XPO4: variants seen among roughly 807,000 people sequenced by gnomAD.
The protein encoded by XPO4 is exportin-4.
Under a neutral mutation model 143.0 loss-of-function variants are expected in XPO4, and 39 were observed. That is an observed-to-expected ratio of 0.27 (90% CI 0.21 to 0.36). The LOEUF (loss-of-function observed/expected upper bound fraction) is 0.36. Ranked by LOEUF, XPO4 falls within the 10% of genes least tolerant of loss-of-function variation. The probability of loss-of-function intolerance (pLI) is 1.00; values close to 1 mark genes in which losing one functional copy is unlikely to be tolerated. For synonymous variants in XPO4, 439 were observed against 474.0 expected (o/e 0.93, Z 0.96); for missense variants, 907 against 1,348.0 (o/e 0.67, Z 5.12).
At chr13:20,840,304 C>A (rs1231684156) in intron 6 of XPO4, among the ~76,000 whole-genome samples, 3 of 151,950 alleles carry the variant, frequency 2.0e-5, no homozygotes, top group African/African-American at 7.3e-5. Flanking sequence ...ACCTTCCAGG[C>A]TCAAGCAATC....
At chr13:20,863,425 A>C (rs1490494438) in intron 2 of XPO4, among the ~76,000 whole-genome samples, 1 of 152,242 alleles carries the variant, frequency 6.6e-6, no homozygotes, top group Non-Finnish European at 1.5e-5. Flanking sequence ...CAAGGTGAGA[A>C]GTGCTTGTGA....
At chr13:20,854,850 A>G (rs482211) in intron 4 of XPO4, among the ~76,000 whole-genome samples, 124,842 of 152,122 alleles carry the variant, frequency 0.82, 51,396 homozygotes, top group East Asian at 1. Context: ...CAAGAACAAT[A>G]ACCCCTAATT....
intron 6 of XPO4, among the ~76,000 whole-genome samples, chr13:20,828,152 G>A (rs896402210): frequency 2.6e-5 from 4 of 151,996 alleles, no homozygotes; most frequent in African/African-American, 9.7e-5. Flanking sequence ...CGGGAGAGTC[G>A]CTTGAAAACA....
intron 1 of XPO4, among the ~76,000 whole-genome samples, chr13:20,884,120 A>C (rs2060439689): frequency 6.6e-6 from 1 of 152,144 alleles, no homozygotes; most frequent in South Asian, 2.1e-4. Flanking sequence ...CACACCTGTA[A>C]TCCTGGCACT....
chr13:20,823,132 C>G (rs1026081131), intron 7 of XPO4, among the ~76,000 whole-genome samples: 6 of 152,174 alleles, frequency 3.9e-5, no homozygotes, highest in African/African-American at 1.2e-4. Flanking sequence ...CCATCCAACA[C>G]TTACTGTTGG....
At chr13:20,851,413 G>T (rs1242928192) in intron 4 of XPO4, 3 of 985,158 alleles carry the variant, frequency 3.0e-6, no homozygotes, top group Non-Finnish European at 3.6e-6. Flanking sequence ...CTCAGCCCTG[G>T]TATTAAAAAT....
At chr13:20,821,930 A>C in intron 8 of XPO4, 52 bp from the exon 9 acceptor site, 1 of 1,512,404 alleles carries the variant, frequency 6.6e-7, no homozygotes, top group Admixed American at 1.9e-5. Flanking sequence ...AAAATTATTA[A>C]TATAATAACT....
At chr13:20,791,423 T>G in intron 18 of XPO4, among the ~76,000 whole-genome samples, 1 of 152,136 alleles carries the variant, frequency 6.6e-6, no homozygotes. Context: ...ACAGAAATGA[T>G]CACTGCATCA....
chr13:20,819,402 C>T (rs555083675), intron 9 of XPO4, among the ~76,000 whole-genome samples: 1 of 152,088 alleles, frequency 6.6e-6, no homozygotes, highest in South Asian at 2.1e-4. Flanking sequence ...TGGCTCACAC[C>T]TGTAATCCTA....
intron 4 of XPO4, chr13:20,850,930 T>C (rs1490144247): frequency 2.0e-6 from 2 of 985,420 alleles, no homozygotes; most frequent in Non-Finnish European, 2.4e-6. Context: ...AAGTCAACCC[T>C]TTCTTCATCT....
At position 20,787,504 on chromosome 13, in the gene XPO4, G is replaced by C; in HGVS notation, c.3142C>G (p.Leu1048Val). 4 of 1,614,238 alleles carry C rather than the reference G, an allele frequency of 2.5e-6. No homozygotes were observed. The highest frequency in any genetic ancestry group is 3.4e-6 in the Non-Finnish European group (4 of 1,180,020). The change falls in exon 21 of 23, where the codon CTA becomes GTA. Residue 1048 changes from leucine (L) to valine (V), a missense_variant. Transcript: ENST00000255305. ...KAQETDSPLF[L>V]ATRHFLKLVF... is the part of the protein sequence containing the mutation. ...ACCTTAAGAAAGTGCCGTGTTGCTA[G>C]AAAAAGTGGTGAGTCTGTTTCTTGT...
chr13:20,787,093 G>C, intron 21 of XPO4, 36 bp from the exon 22 acceptor site: 1 of 1,527,536 alleles, frequency 6.5e-7, no homozygotes, highest in African/African-American at 1.4e-5. Flanking sequence ...AAAAACATAG[G>C]ATGATCATAT....
rs1271319364 is a variant in XPO4 at position 20,840,575 on chromosome 13, C to T, written c.727+2320G>A. Among the ~76,000 whole-genome samples, 8 of 151,990 alleles carry T rather than the reference C, an allele frequency of 5.3e-5. No homozygotes were observed. The East Asian group carries it at 1.2e-3, about 22-fold the overall frequency. On this transcript the variant is annotated intron_variant, in intron 6 of 22. Coordinates refer to ENST00000255305, the MANE Select transcript of XPO4 (RefSeq NM_022459.5). ...CTAAGTTAAATTTGATTATTTAGAC[C>T]CTCTCCATGGTACAAGGCTGCATAA...
chr13:20,852,587 T>A (rs1443795850), intron 4 of XPO4: 43 of 977,212 alleles, frequency 4.4e-5, no homozygotes, highest in Admixed American at 6.2e-5. Flanking sequence ...TTTGGTAATA[T>A]TATATTTGGT....
At chr13:20,854,241 G>T (rs9550672) in intron 4 of XPO4, among the ~76,000 whole-genome samples, 44,064 of 152,066 alleles carry the variant, frequency 0.29, 8,066 homozygotes, top group East Asian at 0.8. Flanking sequence ...GACTCCTGAG[G>T]TATCAGTCTG....
intron 13 of XPO4, among the ~76,000 whole-genome samples, chr13:20,804,125 CTATATATACATACACTA>C (rs2059471191): frequency 6.9e-6 from 1 of 145,010 alleles, no homozygotes; most frequent in African/African-American, 2.6e-5. Flanking sequence ...TATATATACA[CTATATATACATACACTA>C]TATATATACA....
At chr13:20,830,684 A>T (rs2585900) in intron 6 of XPO4, among the ~76,000 whole-genome samples, 1 of 152,020 alleles carries the variant, frequency 6.6e-6, no homozygotes, top group Non-Finnish European at 1.5e-5. Context: ...TATATGGAAC[A>T]GCATCATAAT....
intron 1 of XPO4, among the ~76,000 whole-genome samples, chr13:20,886,863 C>T (rs1177756406): frequency 6.6e-6 from 1 of 151,942 alleles, no homozygotes; most frequent in Non-Finnish European, 1.5e-5. Flanking sequence ...CACCTGAGGT[C>T]AGGAGTTCGA....
intron 19 of XPO4, among the ~76,000 whole-genome samples, chr13:20,789,031 C>T (rs769314332): frequency 6.6e-6 from 1 of 152,202 alleles, no homozygotes; most frequent in Non-Finnish European, 1.5e-5. Context: ...TAAGACTATG[C>T]ACAGAGCAGA....
Sources: allele counts gnomAD v4.1 joint callset (sites outside exome capture counted in the v4.1 genomes callset), GRCh38; gene constraint gnomAD v4.1.1; transcripts MANE v1.5; gene names NCBI Gene and HGNC (gene_info 2026-07-23, HGNC 2026-07-21).